CDH19: variants seen among roughly 807,000 people sequenced by gnomAD.
CDH19 encodes cadherin-19.
A neutral mutation model predicts 64.2 loss-of-function variants in CDH19; 67 were observed. That is an observed-to-expected ratio of 1.04 (90% CI 0.86 to 1.28). CDH19 has a LOEUF of 1.28. Ranked by LOEUF, CDH19 falls within the 50% of genes most tolerant of loss-of-function variation. The pLI is 0.00. For missense variants in CDH19, 1,030 were observed against 929.0 expected (o/e 1.11, Z -1.41); for synonymous variants, 346 against 319.3 (o/e 1.08, Z -0.89).
chr18:66,506,306 A>T (rs1203803255), intron 11 of CDH19, among the ~76,000 whole-genome samples: 1 of 151,972 alleles, frequency 6.6e-6, no homozygotes, highest in Non-Finnish European at 1.5e-5. Flanking sequence ...GGTAGAAGAG[A>T]TAAATTGGAA....
intron 8 of CDH19, among the ~76,000 whole-genome samples, chr18:66,534,657 TCA>T (rs1304632882): frequency 2.0e-5 from 3 of 151,850 alleles, no homozygotes; most frequent in African/African-American, 7.2e-5. Context: ...AAGTGGTAAA[TCA>T]GAAAAATTTA....
At chr18:66,559,808 T>C (rs1169580535) in intron 3 of CDH19, among the ~76,000 whole-genome samples, 7 of 151,410 alleles carry the variant, frequency 4.6e-5, no homozygotes, top group African/African-American at 1.7e-4. Context: ...GCAAAACAAC[T>C]AAAGATAAAT....
chr18:66,576,371 A>G (rs1369506648), intron 1 of CDH19, among the ~76,000 whole-genome samples: 4 of 151,502 alleles, frequency 2.6e-5, no homozygotes, highest in Admixed American at 1.3e-4. Flanking sequence ...TAGTCAAAAG[A>G]AAGCTACAAT....
rs113199951 is a variant in CDH19, at chr18:66,571,344, A to G, written c.195+666T>C. Among the ~76,000 whole-genome samples, 458 of 151,764 alleles carry G rather than the reference A, an allele frequency of 3.0e-3. 2 individuals carry two copies. The highest frequency in any genetic ancestry group is 5.3e-3 in the Non-Finnish European group (360 of 67,774). The stretch of plus-strand genomic sequence containing the variant: ...AATTAAATTTTAGTGCCAGTTAATT[A>G]GCGGTTAAACTTATTTCAGTTCATT... On this transcript the variant is annotated intron_variant, in intron 2 of 11. Coordinates refer to ENST00000262150, the MANE Select transcript of CDH19 (RefSeq NM_021153.4).
intron 1 of CDH19, among the ~76,000 whole-genome samples, chr18:66,590,619 G>C (rs747747227): frequency 4.0e-5 from 6 of 151,352 alleles, no homozygotes; most frequent in Non-Finnish European, 5.9e-5. Flanking sequence ...TCTCCTATCA[G>C]AAAGAAATAC....
At chr18:66,571,638 G>A (rs1353733019) in intron 2 of CDH19, among the ~76,000 whole-genome samples, 1 of 151,556 alleles carries the variant, frequency 6.6e-6, no homozygotes, top group African/African-American at 2.4e-5. Context: ...AAATGAACGA[G>A]GGGTAAATCA....
intron 8 of CDH19, among the ~76,000 whole-genome samples, chr18:66,532,065 C>CA (rs1986465968): frequency 6.6e-6 from 1 of 152,064 alleles, no homozygotes; most frequent in African/African-American, 2.4e-5. Flanking sequence ...CTCCTAGGCT[C>CA]AAGCGATTCT....
chr18:66,555,821 C>A (rs1450594437), intron 3 of CDH19, among the ~76,000 whole-genome samples: 1 of 151,726 alleles, frequency 6.6e-6, no homozygotes, highest in Non-Finnish European at 1.5e-5. Flanking sequence ...TTCTATGCAC[C>A]GATCCACTTA....
chr18:66,576,203 A>C (rs2144591497), intron 1 of CDH19, among the ~76,000 whole-genome samples: 1 of 151,696 alleles, frequency 6.6e-6, no homozygotes, highest in South Asian at 2.1e-4. Flanking sequence ...CATAATAATA[A>C]TCACTCTAAA....
chr18:66,600,977 G>A (rs1328868021), intron 1 of CDH19, among the ~76,000 whole-genome samples: 1 of 151,810 alleles, frequency 6.6e-6, no homozygotes, highest in African/African-American at 2.4e-5. Context: ...CAAATACTAT[G>A]GGGGAAGAGT....
At chr18:66,516,926 G>A (rs1985764624) in intron 9 of CDH19, among the ~76,000 whole-genome samples, 1 of 152,060 alleles carries the variant, frequency 6.6e-6, no homozygotes, top group African/African-American at 2.4e-5. Context: ...GATTGGATAT[G>A]GAGAATAAAG....
At chr18:66,527,836 T>C (rs1986284931) in intron 9 of CDH19, among the ~76,000 whole-genome samples, 1 of 151,856 alleles carries the variant, frequency 6.6e-6, no homozygotes, top group African/African-American at 2.4e-5. Context: ...GTATAGAAGA[T>C]GCAGTAAATT....
chr18:66,531,975 GTGTAGGTTTAT>G (rs1187575185), intron 8 of CDH19, among the ~76,000 whole-genome samples: 1 of 151,994 alleles, frequency 6.6e-6, no homozygotes, highest in Non-Finnish European at 1.5e-5. Context: ...CTATTATATT[GTGTAGGTTTAT>G]TGTTTTTAAT....
chr18:66,573,694 G>A (rs948730249), intron 1 of CDH19, among the ~76,000 whole-genome samples: 5 of 151,478 alleles, frequency 3.3e-5, no homozygotes, highest in African/African-American at 1.2e-4. Context: ...CTGTGTTTCA[G>A]TGAATATAAT....
chr18:66,545,405 CTTCCTTCCTTCT>C (rs1022068074), intron 5 of CDH19, among the ~76,000 whole-genome samples: 17 of 122,896 alleles, frequency 1.4e-4, no homozygotes, highest in Admixed American at 1.1e-3. Context: ...TCTTTCCTTC[CTTCCTTCCTTCT>C]TTCCTTCCTT....
intron 1 of CDH19, among the ~76,000 whole-genome samples, chr18:66,589,824 ATATAAT>A (rs551769222): frequency 1.3e-3 from 192 of 152,084 alleles, no homozygotes; most frequent in African/African-American, 4.3e-3. Flanking sequence ...CTAAAAATTA[ATATAAT>A]TATATCACAG....
At chr18:66,516,732 C>T (rs1985756331) in intron 9 of CDH19, among the ~76,000 whole-genome samples, 1 of 152,000 alleles carries the variant, frequency 6.6e-6, no homozygotes, top group South Asian at 2.1e-4. Flanking sequence ...TTTGATTTTA[C>T]AGGAACATCC....
At chr18:66,524,591 A>G (rs573532192) in intron 9 of CDH19, among the ~76,000 whole-genome samples, 2 of 141,172 alleles carry the variant, frequency 1.4e-5, no homozygotes, top group South Asian at 4.6e-4. Flanking sequence ...TGCACCATAA[A>G]TATGTACTAT....
At chr18:66,595,396 T>C in intron 1 of CDH19, among the ~76,000 whole-genome samples, 2 of 150,992 alleles carry the variant, frequency 1.3e-5, no homozygotes, top group African/African-American at 2.4e-5. Flanking sequence ...ACCAAAGTTG[T>C]TCTTTGAAAG....
Sources: allele counts gnomAD v4.1 joint callset (sites outside exome capture counted in the v4.1 genomes callset), GRCh38; gene constraint gnomAD v4.1.1; transcripts MANE v1.5; gene names NCBI Gene and HGNC (gene_info 2026-07-23, HGNC 2026-07-21).